Variants in PALM2AKAP2 observed in about 807,000 individuals in gnomAD.
The protein encoded by PALM2AKAP2 is PALM2-AKAP2 fusion protein.
In PALM2AKAP2, 37 loss-of-function variants were observed where a neutral mutation model predicts 71.5. That is an observed-to-expected ratio of 0.52 (90% CI 0.40 to 0.68). PALM2AKAP2 has a LOEUF of 0.68. Among genes scored for constraint, PALM2AKAP2 ranks in the 30% least tolerant of loss-of-function variants. The pLI, the probability that PALM2AKAP2 is intolerant of heterozygous loss-of-function variation, is 0.00. For missense variants in PALM2AKAP2, 1,224 were observed against 1,191.8 expected (o/e 1.03, Z -0.40); for synonymous variants, 468 against 478.8 (o/e 0.98, Z 0.29).
At chr9:110,048,738 C>G (rs1362195014) in exon 1 of PALM2AKAP2, 1 of 1,370,858 alleles carries the variant, frequency 7.3e-7, no homozygotes, top group Non-Finnish European at 9.8e-7. Context: ...CTCGCCTTCC[C>G]CCGGAGTCTC....
chr9:109,931,798 C>G, intron 5 of PALM2AKAP2, 129 bp from the exon 6 acceptor site: 1 of 1,004,548 alleles, frequency 1.0e-6, no homozygotes, highest in South Asian at 1.5e-5. Context: ...CTTTGTTTAC[C>G]CTGATCCTCC....
At chr9:109,733,340 A>G (rs1357192972) in intron 1 of PALM2AKAP2, among the ~76,000 whole-genome samples, 2 of 152,238 alleles carry the variant, frequency 1.3e-5, no homozygotes, top group East Asian at 1.9e-4. Flanking sequence ...TCTTGCCTCT[A>G]TCTCTGCTAC....
intron 2 of PALM2AKAP2, among the ~76,000 whole-genome samples, chr9:110,149,919 T>A (rs1205931299): frequency 6.6e-6 from 1 of 152,230 alleles, no homozygotes; most frequent in African/African-American, 2.4e-5. Context: ...CTTGGCTTTT[T>A]AAAAGTTAGA....
intron 3 of PALM2AKAP2, among the ~76,000 whole-genome samples, chr9:109,881,817 A>G (rs1158299005): frequency 6.6e-6 from 1 of 150,852 alleles, no homozygotes; most frequent in East Asian, 1.9e-4. Flanking sequence ...CATCCCACCA[A>G]ATTCTACCTG....
intron 1 of PALM2AKAP2, chr9:109,760,748 A>G (rs1178667913): frequency 2.0e-5 from 3 of 152,196 alleles, no homozygotes; most frequent in South Asian, 4.1e-4. Flanking sequence ...TTCATTAAAT[A>G]TTGTTAAATG....
intron 2 of PALM2AKAP2, among the ~76,000 whole-genome samples, chr9:110,143,351 G>C (rs1277811040): frequency 1.4e-5 from 2 of 140,650 alleles, no homozygotes; most frequent in African/African-American, 5.4e-5. Context: ...GAGCCCAGGT[G>C]TTCAAGGCTG....
chr9:109,705,486 C>G (rs1244460045), intron 1 of PALM2AKAP2, among the ~76,000 whole-genome samples: 1 of 152,166 alleles, frequency 6.6e-6, no homozygotes, highest in Non-Finnish European at 1.5e-5. Context: ...TGTGTCATCT[C>G]CTGTGGTTCA....
rs1381846774 is a variant in PALM2AKAP2, at chr9:109,975,813, A to G, written c.497-40141A>G. On this transcript the variant is annotated intron_variant, in intron 6 of 9. Coordinates refer to the PALM2AKAP2 transcript ENST00000302798. The stretch of plus-strand genomic sequence containing the variant: ...CCTTGCTAACTCTGACACAAATGGT[A>G]AAATGATGAAGAGCTACACATTGCT... Among the ~76,000 whole-genome samples the G allele has an allele frequency of 2.6e-5, 4 of 152,336 alleles. No homozygotes were observed. In the East Asian group the frequency reaches 7.7e-4, roughly 29 times the overall value.
At chr9:109,716,519 T>A (rs1253341926) in intron 1 of PALM2AKAP2, among the ~76,000 whole-genome samples, 1 of 152,196 alleles carries the variant, frequency 6.6e-6, no homozygotes, top group African/African-American at 2.4e-5. Context: ...TATCTGAATT[T>A]CAAACGTAAA....
At chr9:109,862,709 G>A (rs1482084365) in intron 1 of PALM2AKAP2, among the ~76,000 whole-genome samples, 1 of 152,222 alleles carries the variant, frequency 6.6e-6, no homozygotes, top group Admixed American at 6.5e-5. Context: ...AGTGAGGGTA[G>A]ATGTGTTTCC....
At chr9:109,793,127 A>G (rs959276863) in intron 1 of PALM2AKAP2, among the ~76,000 whole-genome samples, 3 of 152,254 alleles carry the variant, frequency 2.0e-5, no homozygotes, top group Non-Finnish European at 4.4e-5. Flanking sequence ...AAGTGTTGGA[A>G]GGATAAGAGT....
intron 6 of PALM2AKAP2, among the ~76,000 whole-genome samples, chr9:109,989,397 G>C (rs745649459): frequency 6.6e-6 from 1 of 151,884 alleles, no homozygotes; most frequent in Non-Finnish European, 1.5e-5. Context: ...TTTTTCTTTC[G>C]GGTTGTGCTT....
At chr9:109,968,955 C>T (rs572124877) in intron 6 of PALM2AKAP2, among the ~76,000 whole-genome samples, 1 of 152,130 alleles carries the variant, frequency 6.6e-6, no homozygotes, top group Admixed American at 6.5e-5. Context: ...GTGACACAGA[C>T]AGAGAGACTG....
chr9:109,939,143 A>G (rs946100416), intron 6 of PALM2AKAP2, among the ~76,000 whole-genome samples: 3 of 152,166 alleles, frequency 2.0e-5, no homozygotes, highest in Admixed American at 6.5e-5. Flanking sequence ...CTAAAGCATC[A>G]TTTACCACCA....
intron 1 of PALM2AKAP2, among the ~76,000 whole-genome samples, chr9:109,715,935 T>G (rs1030507783): frequency 6.6e-6 from 1 of 152,086 alleles, no homozygotes; most frequent in East Asian, 1.9e-4. Context: ...TGAAGTGTTT[T>G]TCGTATGCCA....
chr9:109,731,559 A>T (rs1038554560), intron 1 of PALM2AKAP2, among the ~76,000 whole-genome samples: 1 of 152,144 alleles, frequency 6.6e-6, no homozygotes, highest in African/African-American at 2.4e-5. Context: ...GTATAGTCTG[A>T]TTGCCTGATT....
At chr9:109,693,854 C>G (rs972555554) in intron 1 of PALM2AKAP2, among the ~76,000 whole-genome samples, 11 of 151,964 alleles carry the variant, frequency 7.2e-5, no homozygotes, top group Non-Finnish European at 1.6e-4. Context: ...ACTATAGTGT[C>G]TTCGTAAATG....
At position 110,142,457 on chromosome 9, in the gene PALM2AKAP2, G is replaced by A. The variant is rs569166510; in HGVS notation, c.2569+3918G>A. On this transcript the variant is annotated intron_variant, in intron 2 of 3. Transcript: ENST00000374525. The stretch of plus-strand genomic sequence containing the variant: ...AATTTGAGTGACATTTGTTTATACA[G>A]AGGTGAATAAAAATGTATAGTCCCT... Among the ~76,000 whole-genome samples, 127 of 152,306 alleles carry A rather than the reference G, an allele frequency of 8.3e-4. 1 individual carries two copies. The highest frequency in any genetic ancestry group is 3.4e-3 in the Middle Eastern group (1 of 294).
At chr9:109,832,522 T>C (rs1196010340) in intron 1 of PALM2AKAP2, among the ~76,000 whole-genome samples, 2 of 152,228 alleles carry the variant, frequency 1.3e-5, no homozygotes, top group African/African-American at 2.4e-5. Context: ...CCCTCTTTCC[T>C]GCCAGACAAT....
Sources: allele counts gnomAD v4.1 joint callset (sites outside exome capture counted in the v4.1 genomes callset), GRCh38; gene constraint gnomAD v4.1.1; transcripts MANE v1.5; gene names NCBI Gene and HGNC (gene_info 2026-07-23, HGNC 2026-07-21).